The following USP20 variants were observed in gnomAD, a reference collection of about 807,000 sequenced individuals.
USP20 encodes ubiquitin specific peptidase 20, also known as ubiquitin carboxyl-terminal hydrolase 20.
Under a neutral mutation model 124.2 loss-of-function variants are expected in USP20, and 80 were observed. The observed-to-expected ratio is 0.64, with a 90% CI of 0.54 to 0.78. USP20 has a LOEUF of 0.78. Among genes scored for constraint, USP20 ranks in the 30% least tolerant of loss-of-function variants. The pLI, the probability that USP20 is intolerant of heterozygous loss-of-function variation, is 0.00. For synonymous variants in USP20, 481 were observed against 512.3 expected (o/e 0.94, Z 0.83); for missense variants, 1,043 against 1,244.4 (o/e 0.84, Z 2.44).
intron 19 of USP20, 113 bp from the exon 20 acceptor site, chr9:129,875,197 C>A: frequency 7.7e-7 from 1 of 1,300,774 alleles, no homozygotes; most frequent in South Asian, 1.5e-5. Context: ...GTGAAGGACC[C>A]AGGAGGTGGT....
At chr9:129,869,865 C>T (rs1324837004) in intron 14 of USP20, 21 bp downstream of exon 14, 3 of 1,578,996 alleles carry the variant, frequency 1.9e-6, no homozygotes, top group Admixed American at 3.6e-5. Context: ...CTTGCCACTA[C>T]TGGGCGACAT....
At chr9:129,859,901 G>A (rs1003155118) in intron 6 of USP20, among the ~76,000 whole-genome samples, 1 of 152,018 alleles carries the variant, frequency 6.6e-6, no homozygotes, top group Admixed American at 6.6e-5. Flanking sequence ...GCATGGTGGC[G>A]CATGCTTGTA....
rs1326855508 is a variant in USP20, at chr9:129,880,921, G to C, written c.*471G>C. ...GTGAGGAGCTCACAGGTCCTCCCTG[G>C]TGGTCCCGCCGCACCTCTGCATCTC... On this transcript the variant is annotated 3_prime_UTR_variant, in exon 26 of 26. Transcript: ENST00000372429. The C allele has an allele frequency of 6.5e-6, 1 of 152,730 alleles. No individual in the cohort carries two copies. The highest frequency in any genetic ancestry group is 1.5e-5 in the Non-Finnish European group (1 of 68,462). The allele number at this position is 152,730 out of a possible 1,614,324, so 9.5% of individuals were successfully genotyped here. A position where few individuals can be genotyped will look rare whatever the true frequency, so the allele number is the denominator to read the frequency against.
intron 6 of USP20, among the ~76,000 whole-genome samples, chr9:129,859,697 C>T (rs1234084233): frequency 6.6e-6 from 1 of 152,162 alleles, no homozygotes; most frequent in Non-Finnish European, 1.5e-5. Context: ...ACAGTATATG[C>T]AATATCTTGT....
At chr9:129,864,129 C>T (rs1462140476) in intron 9 of USP20, among the ~76,000 whole-genome samples, 3 of 147,986 alleles carry the variant, frequency 2.0e-5, no homozygotes, top group Non-Finnish European at 4.5e-5. Context: ...AAAAACAAAA[C>T]AAACCAGCAT....
chr9:129,844,623 CAAAAA>C (rs1191781066), intron 1 of USP20, among the ~76,000 whole-genome samples: 1 of 72,420 alleles, frequency 1.4e-5, no homozygotes, highest in Non-Finnish European at 2.7e-5. Flanking sequence ...GACTCTGTCT[CAAAAA>C]AAAAAAAAAA....
chr9:129,873,506 G>A lies in USP20; in HGVS notation c.1685G>A (p.Arg562Gln), dbSNP rs199613570. 4.7e-4 allele frequency: 766 copies of A among 1,613,988 alleles called. 2 individuals are homozygous for A. Among genetic ancestry groups the A allele is most frequent in the Non-Finnish European group, 5.7e-4 (669 of 1,180,006 alleles). ...GGTGACAACATGTACAGCTGTGAGCGGTGTAAGAAGTAAGTGAGCCTTCCC... is the reference window on the plus strand; with the variant it reads ...GGTGACAACATGTACAGCTGTGAGCAGTGTAAGAAGTAAGTGAGCCTTCCC... ...LKGDNMYSCE[R>Q]CKKLRNGVKY... The change falls in exon 16 of 26, where the codon CGG (arginine) becomes CAG (glutamine). Residue 562 changes from arginine to glutamine, a missense_variant. Transcript: ENST00000372429.
intron 12 of USP20, 76 bp from the exon 13 acceptor site, chr9:129,869,234 A>G: frequency 6.8e-7 from 1 of 1,473,300 alleles, no homozygotes. Flanking sequence ...ACATCCTGTC[A>G]AAGGAAGCCG....
intron 1 of USP20, among the ~76,000 whole-genome samples, chr9:129,846,049 C>T (rs1043341065): frequency 2.0e-5 from 3 of 151,636 alleles, no homozygotes; most frequent in African/African-American, 4.8e-5. Context: ...CTCAGCCTCC[C>T]GAGTAGCTGG....
chr9:129,848,650 CA>C (rs3054848), intron 1 of USP20, among the ~76,000 whole-genome samples: 287 of 131,752 alleles, frequency 2.2e-3, no homozygotes, highest in South Asian at 2.9e-3. Flanking sequence ...GAGACTATCT[CA>C]AAAAAAAAAA....
intron 9 of USP20, among the ~76,000 whole-genome samples, chr9:129,864,653 A>T (rs1306940604): frequency 2.6e-5 from 4 of 151,636 alleles, no homozygotes; most frequent in Non-Finnish European, 5.9e-5. Flanking sequence ...GCGCACCTGT[A>T]TTCCCAGCAC....
At chr9:129,838,423 A>G (rs1179663775) in intron 1 of USP20, among the ~76,000 whole-genome samples, 1 of 152,186 alleles carries the variant, frequency 6.6e-6, no homozygotes, top group African/African-American at 2.4e-5. Context: ...TAGAAATTTC[A>G]GGAGAGCCAA....
chr9:129,847,537 A>G (rs531755766), intron 1 of USP20, among the ~76,000 whole-genome samples: 1 of 151,752 alleles, frequency 6.6e-6, no homozygotes, highest in African/African-American at 2.4e-5. Flanking sequence ...TCCTGATCTC[A>G]TGATCCGCCC....
chr9:129,856,429 G>C, intron 4 of USP20, 69 bp downstream of exon 4: 1 of 1,551,872 alleles, frequency 6.4e-7, no homozygotes, highest in South Asian at 1.1e-5. Flanking sequence ...GCACAGGCTG[G>C]TGCAGTGGGC....
At chr9:129,854,551 G>A (rs192730778) in intron 3 of USP20, among the ~76,000 whole-genome samples, 20 of 152,274 alleles carry the variant, frequency 1.3e-4, no homozygotes, top group African/African-American at 3.6e-4. Flanking sequence ...AAGAATGTAC[G>A]GAGGGAAATA....
Position 129,874,509 on chromosome 9 carries a change from G to A in USP20, c.1741-67G>A, listed in dbSNP as rs909701898. On this transcript the variant is annotated intron_variant, in intron 17 of 25. Coordinates refer to ENST00000372429, the MANE Select transcript of USP20 (RefSeq NM_001110303.4). ...TGATCCCATCAGCTGTCCTGGGCCCGTGGGCAAGGCTGCGAGGGCCCGCAT... is the reference window on the plus strand; with the variant it reads ...TGATCCCATCAGCTGTCCTGGGCCCATGGGCAAGGCTGCGAGGGCCCGCAT... The A allele has an allele frequency of 1.4e-5, 23 of 1,586,414 alleles. No individual in the cohort carries two copies. The South Asian group carries it at 1.7e-4, about 12-fold the overall frequency.
chr9:129,878,318 C>T lies in USP20; in HGVS notation c.2410-20C>T, dbSNP rs377350953. Reference sequence around the variant, plus strand: ...GACTGACCTGCCCTCTGTCTCCTCCCGTCCCTGCCCGCCTGCCAGTTGAAC... The same window carrying T: ...GACTGACCTGCCCTCTGTCTCCTCCTGTCCCTGCCCGCCTGCCAGTTGAAC... On this transcript the variant is annotated intron_variant, in intron 22 of 25. Transcript: ENST00000372429. The T allele has an allele frequency of 4.2e-5, 65 of 1,559,222 alleles. No homozygotes were observed. The East Asian group carries it at 9.1e-4, about 22-fold the overall frequency.
At position 129,879,396 on chromosome 9, in the gene USP20, C is replaced by T. The variant is rs899412988; in HGVS notation, c.2513-177C>T. ...ACCATCTCGTGTGTCCTGGAAATTC[C>T]CTCTGCTGGGTCCTCAGACTGCCAC... On this transcript the variant is annotated intron_variant, in intron 23 of 25. Transcript: ENST00000372429. The surrounding 1 kb of genome is among the most constrained non-coding windows in gnomAD (Gnocchi z 4.2). 2 of 618,608 alleles carry T rather than the reference C, an allele frequency of 3.2e-6. No individual in the cohort carries two copies. Among genetic ancestry groups the T allele is most frequent in the Admixed American group, 5.8e-5 (2 of 34,482 alleles). 38.3% of individuals were successfully genotyped at this position (618,608 alleles called of 1,614,324 possible).
intron 10 of USP20, among the ~76,000 whole-genome samples, chr9:129,866,777 G>A (rs1363863077): frequency 6.6e-6 from 1 of 152,226 alleles, no homozygotes; most frequent in Non-Finnish European, 1.5e-5. Context: ...TGAGATTTTG[G>A]CAAGGAACAC....
Sources: gnomAD v4.1 joint callset for allele counts (sites outside exome capture counted in the v4.1 genomes callset) on GRCh38, gnomAD v4.1.1 for gene constraint, Gnocchi (gnomAD v3.1) non-coding constraint, MANE v1.5 for transcripts, NCBI Gene and HGNC (gene_info 2026-07-23, HGNC 2026-07-21) for gene names.